CMKLR1: variants seen among roughly 807,000 people sequenced by gnomAD.
CMKLR1 encodes the protein chemerin-like receptor 1.
A neutral mutation model predicts 8.2 loss-of-function variants in CMKLR1; 6 were observed. The observed-to-expected ratio is 0.73, with a 90% confidence interval of 0.40 to 1.44. The LOEUF is 1.44. Ranked by LOEUF, CMKLR1 falls within the 40% of genes most tolerant of loss-of-function variation. CMKLR1 has a pLI of 0.02. For synonymous variants in CMKLR1, 178 were observed against 181.2 expected (o/e 0.98, Z 0.14); for missense variants, 429 against 478.0 (o/e 0.90, Z 0.96).
At position 108,316,073 on chromosome 12, in the gene CMKLR1, CAG is replaced by C. The variant is rs1375252662; in HGVS notation, c.-74+13920_-74+13921del. Among the ~76,000 whole-genome samples the C allele has an allele frequency of 1.3e-5, 2 of 152,206 alleles. 1 individual carries two copies. Among genetic ancestry groups the C allele is most frequent in the South Asian group, 4.1e-4 (2 of 4,822 alleles). ...GGAAGTTCATAATCCTCAGCAGAAA[CAG>C]TGCATACTTCATGGAGTCACTGCAA... On this transcript the variant is annotated intron_variant, in intron 2 of 3. Transcript: ENST00000550402.
chr12:108,336,608 C>CTT (rs932975849), intron 1 of CMKLR1, among the ~76,000 whole-genome samples: 6 of 151,894 alleles, frequency 4.0e-5, no homozygotes, highest in African/African-American at 1.5e-4. Context: ...AGAGATTGCA[C>CTT]TTTGAGAAGC....
At chr12:108,335,210 G>T (rs138868027) in intron 1 of CMKLR1, among the ~76,000 whole-genome samples, 2 of 152,312 alleles carry the variant, frequency 1.3e-5, no homozygotes, top group African/African-American at 4.8e-5. Context: ...CACGACTGTG[G>T]CTGGGAAAGA....
At chr12:108,331,555 T>C (rs1892108964) in intron 1 of CMKLR1, among the ~76,000 whole-genome samples, 1 of 152,338 alleles carries the variant, frequency 6.6e-6, no homozygotes, top group Middle Eastern at 3.4e-3. Context: ...TCCCCAAAGA[T>C]GTCCACATCC....
At position 108,291,414 on chromosome 12, in the gene CMKLR1, G is replaced by A. The variant is rs1489483851; in HGVS notation, c.*427C>T. On this transcript the variant is annotated 3_prime_UTR_variant, in exon 4 of 4. Coordinates refer to ENST00000550402, the MANE Select transcript of CMKLR1 (RefSeq NM_001142343.2). ...CCAGCTACTGATAATATATATACAA[G>A]GGCCAAGTGTGATCTGCATCACACT... 5.9e-6 allele frequency: 1 copy of A among 168,234 alleles called. No individual in the cohort carries two copies. The highest frequency in any genetic ancestry group is 1.3e-5 in the Non-Finnish European group (1 of 77,742). The allele number at this position is 168,234 out of a possible 1,614,324, so 10.4% of individuals were successfully genotyped here. A position where few individuals can be genotyped will look rare whatever the true frequency, so the allele number is the denominator to read the frequency against.
In CMKLR1 at chr12:108,291,378, G is replaced by A. The variant is rs186841338; in HGVS notation, c.*463C>T. 2 of 160,714 alleles carry A rather than the reference G, an allele frequency of 1.2e-5. No homozygotes were observed. The highest frequency in any genetic ancestry group is 3.7e-4 in the East Asian group (2 of 5,356). 10.0% of individuals were successfully genotyped at this position (160,714 alleles called of 1,614,324 possible). On this transcript the variant is annotated 3_prime_UTR_variant, in exon 4 of 4. Transcript: ENST00000550402. ...AACACAGAGCAGTGACTTGAAGGTA[G>A]GGTTTTCTGGCCAGCTACTGATAAT...
chr12:108,338,412 A>G (rs1463227813), intron 1 of CMKLR1, among the ~76,000 whole-genome samples: 1 of 152,234 alleles, frequency 6.6e-6, no homozygotes, highest in Non-Finnish European at 1.5e-5. Flanking sequence ...GCATCTAGAT[A>G]TTATTCTCGA....
rs1890994458 is a variant in CMKLR1 at position 108,292,153 on chromosome 12, G to C, written c.810C>G (p.Phe270Leu). 1.2e-6 allele frequency: 2 copies of C among 1,614,084 alleles called. No individual in the cohort carries two copies. The highest frequency in any genetic ancestry group is 1.3e-5 in the African/African-American group (1 of 74,922). The change falls in exon 4 of 4, where the codon TTC (phenylalanine) becomes TTG (leucine). Residue 270 changes from phenylalanine (F) to leucine (L), a missense_variant. Phe to Leu is a conservative substitution (Grantham distance 22, BLOSUM62 0). Coordinates refer to ENST00000550402, the MANE Select transcript of CMKLR1 (RefSeq NM_001142343.2). ...KIIVTIIITFFLCWCPYHTLN... is the reference protein window; with the variant it reads ...KIIVTIIITFLLCWCPYHTLN... The stretch of plus-strand genomic sequence containing the variant: ...GTGTGTGGTAGGGGCACCAGCAGAG[G>C]AAGAAGGTAATGATGATGGTCACAA...
chr12:108,329,725 T>C (rs1193720517), intron 2 of CMKLR1, among the ~76,000 whole-genome samples: 1 of 152,208 alleles, frequency 6.6e-6, no homozygotes, highest in African/African-American at 2.4e-5. Context: ...GTCTGTTTAC[T>C]CACCTGTCTC....
At chr12:108,315,973 C>T (rs950658826) in intron 2 of CMKLR1, among the ~76,000 whole-genome samples, 6 of 152,136 alleles carry the variant, frequency 3.9e-5, no homozygotes, top group South Asian at 2.1e-4. Flanking sequence ...GAGGAGCAGA[C>T]GCAGGACCAG....
chr12:108,306,177 G>A (rs571727748), intron 2 of CMKLR1, among the ~76,000 whole-genome samples: 19 of 152,310 alleles, frequency 1.2e-4, no homozygotes, highest in East Asian at 3.9e-4. Context: ...GGCGTGGAGC[G>A]TGCGGTTGGG....
At chr12:108,315,336 C>T (rs897654854) in intron 2 of CMKLR1, among the ~76,000 whole-genome samples, 5 of 152,176 alleles carry the variant, frequency 3.3e-5, no homozygotes, top group Admixed American at 6.5e-5. Context: ...ATACTTGATA[C>T]ACAGGTAGAG....
chr12:108,306,981 C>T (rs10861890), intron 2 of CMKLR1, among the ~76,000 whole-genome samples: 49,268 of 151,998 alleles, frequency 0.32, 8,277 homozygotes, highest in Admixed American at 0.38. Flanking sequence ...TACACAAGCC[C>T]TAAGTATCTT....
At chr12:108,307,869 T>C (rs1429421977) in intron 2 of CMKLR1, among the ~76,000 whole-genome samples, 1 of 152,190 alleles carries the variant, frequency 6.6e-6, no homozygotes, top group Admixed American at 6.5e-5. Context: ...CTGGGGCATG[T>C]GGACCACCCA....
chr12:108,304,119 G>T (rs1891346607), intron 2 of CMKLR1, among the ~76,000 whole-genome samples: 1 of 152,208 alleles, frequency 6.6e-6, no homozygotes, highest in Admixed American at 6.5e-5. Flanking sequence ...AGCAGGGATT[G>T]CAGGGCTGGA....
At chr12:108,331,678 G>T (rs776874403) in intron 1 of CMKLR1, among the ~76,000 whole-genome samples, 8 of 152,188 alleles carry the variant, frequency 5.3e-5, no homozygotes, top group African/African-American at 1.7e-4. Context: ...TGAGCTCAGC[G>T]TCTTTAAAAA....
intron 2 of CMKLR1, among the ~76,000 whole-genome samples, chr12:108,328,550 G>A (rs1892035498): frequency 6.6e-6 from 1 of 152,216 alleles, no homozygotes; most frequent in Admixed American, 6.5e-5. Flanking sequence ...AAAGAGGTCT[G>A]GAGAAAGCGG....
chr12:108,328,202 C>T (rs1289291381), intron 2 of CMKLR1, among the ~76,000 whole-genome samples: 1 of 152,198 alleles, frequency 6.6e-6, no homozygotes, highest in East Asian at 1.9e-4. Context: ...CAGTCCCTAC[C>T]ATGTCTTTTG....
chr12:108,330,415 T>C (rs1892078801), intron 1 of CMKLR1, among the ~76,000 whole-genome samples: 1 of 152,130 alleles, frequency 6.6e-6, no homozygotes, highest in Admixed American at 6.5e-5. Context: ...GCCACTAAAT[T>C]TGGGGGTGTT....
intron 2 of CMKLR1, among the ~76,000 whole-genome samples, chr12:108,318,720 C>T (rs961213129): frequency 4.6e-5 from 7 of 152,194 alleles, no homozygotes; most frequent in Admixed American, 3.9e-4. Context: ...TGGCAGGTTT[C>T]CAGTGTGGTC....
Sources: allele counts gnomAD v4.1 joint callset (sites outside exome capture counted in the v4.1 genomes callset), GRCh38; gene constraint gnomAD v4.1.1; transcripts MANE v1.5; gene names NCBI Gene and HGNC (gene_info 2026-07-23, HGNC 2026-07-21).